Variants in SLC38A12 observed in about 807,000 individuals in gnomAD.
The protein encoded by SLC38A12 is putative sodium-coupled neutral amino acid transporter 12.
chr17:74,829,367 G>A, the SLC38A12 span, among the ~76,000 whole-genome samples: 2 of 152,138 alleles, frequency 1.3e-5, no homozygotes, highest in Non-Finnish European at 2.9e-5. This position sits in a 1 kb window ranked among gnomAD's most constrained non-coding sequence, Gnocchi z 4.1. Flanking sequence ...CAAGTAATCC[G>A]CCCACCTCAG....
the SLC38A12 span, chr17:74,835,949 G>A: frequency 1.2e-6 from 2 of 1,609,998 alleles, no homozygotes; most frequent in East Asian, 2.2e-5. Flanking sequence ...TGATTGTGCT[G>A]GCCCTGATCC....
the SLC38A12 span, among the ~76,000 whole-genome samples, chr17:74,781,467 G>T: frequency 6.6e-6 from 1 of 151,870 alleles, no homozygotes; most frequent in African/African-American, 2.4e-5. Flanking sequence ...TTATTTTTTT[G>T]TAGAGATAGA....
chr17:74,819,422 C>T, the SLC38A12 span, among the ~76,000 whole-genome samples: 1 of 152,218 alleles, frequency 6.6e-6, no homozygotes, highest in Non-Finnish European at 1.5e-5. Flanking sequence ...AGGGTGGGCA[C>T]ATCATGGATC....
the SLC38A12 span, among the ~76,000 whole-genome samples, chr17:74,789,111 G>C: frequency 1.3e-5 from 2 of 152,196 alleles, no homozygotes; most frequent in Non-Finnish European, 2.9e-5. Flanking sequence ...ACCCAGCTCA[G>C]CTGTTTGAAA....
At chr17:74,818,722 T>C in the SLC38A12 span, among the ~76,000 whole-genome samples, 1 of 152,176 alleles carries the variant, frequency 6.6e-6, no homozygotes, top group African/African-American at 2.4e-5. Flanking sequence ...TCATTAGCAT[T>C]AACGTGATAA....
the SLC38A12 span, among the ~76,000 whole-genome samples, chr17:74,784,836 G>C: frequency 1.3e-5 from 2 of 152,154 alleles, no homozygotes; most frequent in East Asian, 1.9e-4. Context: ...GGGCTTTTTG[G>C]GGGGTGATAA....
the SLC38A12 span, chr17:74,838,770 C>T: frequency 2.1e-5 from 31 of 1,475,250 alleles, no homozygotes; most frequent in Non-Finnish European, 2.6e-5. Flanking sequence ...CAGAGAACCC[C>T]AACAGCAAGA....
chr17:74,817,209 C>G, the SLC38A12 span, among the ~76,000 whole-genome samples: 1 of 152,156 alleles, frequency 6.6e-6, no homozygotes, highest in Non-Finnish European at 1.5e-5. Flanking sequence ...TGGGTGCTCT[C>G]TGATGTGTGA....
the SLC38A12 span, among the ~76,000 whole-genome samples, chr17:74,804,045 G>T: frequency 2.9e-4 from 44 of 152,280 alleles, 1 homozygote; most frequent in Admixed American, 2.7e-3. Context: ...AACTGTATAT[G>T]CCAAACTGTT....
the SLC38A12 span, among the ~76,000 whole-genome samples, chr17:74,822,565 T>C: frequency 6.6e-6 from 1 of 152,234 alleles, no homozygotes; most frequent in African/African-American, 2.4e-5. Flanking sequence ...GATAATCAAA[T>C]GTCAGGAGCC....
chr17:74,794,871 C>T, the SLC38A12 span: 1 of 695,042 alleles, frequency 1.4e-6, no homozygotes, highest in Non-Finnish European at 2.4e-6. Flanking sequence ...GGTCATTTTC[C>T]CACTTTTTGT....
chr17:74,777,596 A>G, the SLC38A12 span: 1 of 1,505,034 alleles, frequency 6.6e-7, no homozygotes, highest in South Asian at 1.2e-5. Flanking sequence ...CAGAGTGGTC[A>G]AGCCAAACAA....
the SLC38A12 span, among the ~76,000 whole-genome samples, chr17:74,779,764 A>G: frequency 5.5e-4 from 84 of 152,324 alleles, no homozygotes; most frequent in African/African-American, 1.9e-3. Flanking sequence ...ACGCGCATTT[A>G]CAAGACAAAG....
chr17:74,823,585 T>C, the SLC38A12 span, among the ~76,000 whole-genome samples: 1 of 152,242 alleles, frequency 6.6e-6, no homozygotes, highest in Admixed American at 6.5e-5. Flanking sequence ...CCAAATAAGT[T>C]CTGGGGAGAC....
chr17:74,830,828 A>G, the SLC38A12 span, among the ~76,000 whole-genome samples: 1 of 152,126 alleles, frequency 6.6e-6, no homozygotes, highest in East Asian at 1.9e-4. Flanking sequence ...CCCAGGTGTC[A>G]GTGTGCGAGG....
the SLC38A12 span, chr17:74,838,672 C>T: frequency 1.4e-6 from 2 of 1,415,244 alleles, no homozygotes; most frequent in Non-Finnish European, 1.8e-6. Context: ...CCTCAGTGTC[C>T]TCCTGCTGTA....
the SLC38A12 span, among the ~76,000 whole-genome samples, chr17:74,828,027 C>G: frequency 6.6e-6 from 1 of 152,314 alleles, no homozygotes; most frequent in Admixed American, 6.5e-5. Context: ...CCTGGAGTGC[C>G]GGTGCCTGAG....
the SLC38A12 span, among the ~76,000 whole-genome samples, chr17:74,835,530 G>A: frequency 6.6e-6 from 1 of 152,174 alleles, no homozygotes; most frequent in Non-Finnish European, 1.5e-5. Context: ...GACCCAGCCT[G>A]CTCCCTGCGA....
the SLC38A12 span, chr17:74,836,630 T>A: frequency 6.2e-7 from 1 of 1,612,174 alleles, no homozygotes; most frequent in Non-Finnish European, 8.5e-7. This position sits in a 1 kb window ranked among gnomAD's most constrained non-coding sequence, Gnocchi z 4.2. Context: ...TGCTCTGGGC[T>A]TTCTCCTGCT....
Sources: gnomAD v4.1 joint callset for allele counts (sites outside exome capture counted in the v4.1 genomes callset) on GRCh38, gnomAD v4.1.1 for gene constraint, Gnocchi (gnomAD v3.1) non-coding constraint, MANE v1.5 for transcripts, NCBI Gene and HGNC (gene_info 2026-07-23, HGNC 2026-07-21) for gene names.